The following LAMA1 variants were observed in gnomAD, a reference collection of about 807,000 sequenced individuals.
The protein encoded by LAMA1 is laminin subunit alpha 1.
Under a neutral mutation model 348.7 loss-of-function variants are expected in LAMA1, and 219 were observed. That is an observed-to-expected ratio of 0.63 (90% confidence interval 0.56 to 0.70). LAMA1 has a LOEUF of 0.70. Ranked by LOEUF, LAMA1 falls within the 30% of genes least tolerant of loss-of-function variation. The pLI, the probability that LAMA1 is intolerant of heterozygous loss-of-function variation, is 0.00. For missense variants in LAMA1, 3,744 were observed against 3,888.0 expected (o/e 0.96, Z 0.99); for synonymous variants, 1,487 against 1,491.0 (o/e 1.00, Z 0.06).
Position 6,962,075 on chromosome 18 carries a change from T to C in LAMA1, c.7338-16A>G. ...GACACCTCTCCTGTAGGGAAGGGCA[T>C]GAGAACAATCACAAAATTTGGGTTT... On this transcript the variant is annotated splice_polypyrimidine_tract_variant and intron_variant, in intron 51 of 62. Transcript: ENST00000389658. 6.3e-7 allele frequency: 1 copy of C among 1,578,266 alleles called. No homozygotes were observed. Among genetic ancestry groups the C allele is most frequent in the Non-Finnish European group, 8.7e-7 (1 of 1,147,454 alleles).
chr18:7,061,938 C>G (rs945295880), intron 3 of LAMA1, among the ~76,000 whole-genome samples: 1 of 152,066 alleles, frequency 6.6e-6, no homozygotes, highest in Non-Finnish European at 1.5e-5. Context: ...CAGCTGTCCC[C>G]GAGTTAGGCA....
intron 1 of LAMA1, among the ~76,000 whole-genome samples, chr18:7,115,934 G>A (rs2058354472): frequency 6.6e-6 from 1 of 152,066 alleles, no homozygotes; most frequent in South Asian, 2.1e-4. Context: ...AGCCGAGATG[G>A]TGCCACTCCA....
At chr18:7,091,232 T>TA (rs1227449064) in intron 1 of LAMA1, among the ~76,000 whole-genome samples, 1 of 152,210 alleles carries the variant, frequency 6.6e-6, no homozygotes, top group African/African-American at 2.4e-5. Context: ...TTATTGCACT[T>TA]ACGCAAAACA....
At chr18:7,037,801 G>A (rs776823728) in intron 11 of LAMA1, 50 bp from the exon 12 acceptor site, 16 of 1,561,346 alleles carry the variant, frequency 1.0e-5, no homozygotes, top group Non-Finnish European at 1.4e-5. Flanking sequence ...ACTTACCTTA[G>A]ATTTCACCCA....
chr18:7,034,445 C>T lies in LAMA1; in HGVS notation c.2051+34G>A, dbSNP rs755434825. The T allele has an allele frequency of 8.2e-5, 122 of 1,481,514 alleles. 1 individual carries two copies. Among genetic ancestry groups the T allele is most frequent in the Non-Finnish European group, 1.1e-4 (120 of 1,060,194 alleles). 91.8% of individuals were successfully genotyped at this position (1,481,514 alleles called of 1,614,324 possible). A position where few individuals can be genotyped will look rare whatever the true frequency, so the allele number is the denominator to read the frequency against. On this transcript the variant is annotated intron_variant, in intron 14 of 62. Transcript: ENST00000389658. ...AACAAACATAAAATGGAAGTACCTT[C>T]ACCGTAAGTTTTTCCTCCATTTTCA...
At chr18:7,098,744 G>T (rs2058276176) in intron 1 of LAMA1, among the ~76,000 whole-genome samples, 1 of 143,004 alleles carries the variant, frequency 7.0e-6, no homozygotes. Context: ...CGCCCGGCCA[G>T]CCACCCCGTC....
chr18:7,096,949 C>G (rs935234204), intron 1 of LAMA1, among the ~76,000 whole-genome samples: 1 of 152,186 alleles, frequency 6.6e-6, no homozygotes, highest in African/African-American at 2.4e-5. Flanking sequence ...AGCCCGTCGG[C>G]AGGGGAGTTT....
rs1000662339 is a variant in LAMA1 at position 7,039,526 on chromosome 18, A to C, written c.1422+550T>G. ...TTGGTGTTCTCAGAAATTTAATGTT[A>C]ATCTGGTTCTCTTCCGAATACAAAG... On this transcript the variant is annotated intron_variant, in intron 10 of 62. Coordinates refer to ENST00000389658, the MANE Select transcript of LAMA1 (RefSeq NM_005559.4). Among the ~76,000 whole-genome samples, 6 of 152,204 alleles carry C rather than the reference A, an allele frequency of 3.9e-5. No individual in the cohort carries two copies. In the South Asian group the frequency reaches 1.2e-3, roughly 31 times the overall value.
At chr18:6,970,216 C>A (rs754603831) in intron 48 of LAMA1, among the ~76,000 whole-genome samples, 1 of 152,118 alleles carries the variant, frequency 6.6e-6, no homozygotes, top group African/African-American at 2.4e-5. Flanking sequence ...CATTACCTCA[C>A]GAGGCAACAG....
chr18:7,055,749 T>C (rs889296617), intron 3 of LAMA1, among the ~76,000 whole-genome samples: 28 of 152,130 alleles, frequency 1.8e-4, no homozygotes, highest in Non-Finnish European at 3.7e-4. Flanking sequence ...ATGAGCTACT[T>C]TCCTTTCGAA....
In LAMA1 at chr18:6,985,185, C is replaced by A. The variant is rs1600372450; in HGVS notation, c.5660+52G>T. ...TGTGAATAGAAACATCCATCTATTT[C>A]TCCGATCAATAGACTGCAAGCTCTT... On this transcript the variant is annotated intron_variant, in intron 39 of 62. Transcript: ENST00000389658. The A allele has an allele frequency of 3.1e-6, 5 of 1,592,832 alleles. No homozygotes were observed. In the African/African-American group the frequency reaches 6.7e-5, roughly 21 times the overall value.
At chr18:7,091,631 T>G (rs1413289599) in intron 1 of LAMA1, among the ~76,000 whole-genome samples, 3 of 152,254 alleles carry the variant, frequency 2.0e-5, no homozygotes, top group Non-Finnish European at 4.4e-5. Context: ...TGTTTCACTA[T>G]CGCGGGGCAT....
In LAMA1 at chr18:6,985,282, T is replaced by C. The variant is rs2057729198; in HGVS notation, c.5615A>G (p.Glu1872Gly). 6.2e-7 allele frequency: 1 copy of C among 1,614,094 alleles called. No homozygotes were observed. The highest frequency in any genetic ancestry group is 1.7e-5 in the Admixed American group (1 of 60,006). ...RNAVDLVYRAEDHAAEFQRLA... is the reference protein window; with the variant it reads ...RNAVDLVYRAGDHAAEFQRLA... Reference sequence around the variant, plus strand: ...TCTCTGGAACTCAGCGGCATGGTCCTCAGCTCTGTAGACCAGGTCGACTGC... The same window carrying C: ...TCTCTGGAACTCAGCGGCATGGTCCCCAGCTCTGTAGACCAGGTCGACTGC... The change falls in exon 39 of 63, where the codon GAG becomes GGG. Residue 1872 changes from glutamate to glycine, a missense_variant. Around this residue, in one of 3 missense-constraint regions of LAMA1, gnomAD observed 1,983 missense variants for 1,934.3 expected, o/e 1.03. Transcript: ENST00000389658.
At chr18:7,029,028 C>T (rs1279780175) in intron 16 of LAMA1, among the ~76,000 whole-genome samples, 2 of 152,208 alleles carry the variant, frequency 1.3e-5, no homozygotes, top group Non-Finnish European at 2.9e-5. Context: ...TTCCATCATT[C>T]CTCAGGTTGA....
At chr18:7,090,077 C>G (rs2058233740) in intron 1 of LAMA1, among the ~76,000 whole-genome samples, 1 of 152,212 alleles carries the variant, frequency 6.6e-6, no homozygotes, top group Admixed American at 6.5e-5. Flanking sequence ...ATAAGTGCTT[C>G]CTTATTCCCG....
chr18:7,018,305 T>C (rs1236109690), intron 19 of LAMA1, among the ~76,000 whole-genome samples: 11 of 114,550 alleles, frequency 9.6e-5, no homozygotes, highest in African/African-American at 3.6e-4. Flanking sequence ...CACTGCATTC[T>C]AGCCTGAGCG....
chr18:7,039,954 G>T, intron 10 of LAMA1, 122 bp downstream of exon 10: 1 of 1,101,784 alleles, frequency 9.1e-7, no homozygotes, highest in African/African-American at 1.5e-5. Context: ...GAAGGGGCAA[G>T]GGGAGTTCTG....
At chr18:7,031,989 A>AG (rs200920947) in intron 16 of LAMA1, 77 bp downstream of exon 16, 160 of 1,248,838 alleles carry the variant, frequency 1.3e-4, no homozygotes, top group African/African-American at 7.1e-4. Context: ...GAAGCACTTA[A>AG]AAAAAAATCA....
intron 34 of LAMA1, among the ~76,000 whole-genome samples, chr18:6,994,515 C>T (rs1157860461): frequency 6.6e-6 from 1 of 152,112 alleles, no homozygotes; most frequent in Non-Finnish European, 1.5e-5. Flanking sequence ...TGATGAGGTA[C>T]TTAAACCCAA....
Sources: gnomAD v4.1 joint callset for allele counts (sites outside exome capture counted in the v4.1 genomes callset) on GRCh38, gnomAD v4.1.1 for gene constraint, gnomAD v4.1.1 regional missense constraint, MANE v1.5 for transcripts, NCBI Gene and HGNC (gene_info 2026-07-23, HGNC 2026-07-21) for gene names.